Variants in VPS26B observed in about 807,000 individuals in gnomAD.
VPS26B encodes VPS26 retromer complex component B.
VPS26B carries 10 observed loss-of-function variants against 33.3 expected under a neutral mutation model. That is an observed-to-expected ratio of 0.30 (90% CI 0.19 to 0.51). VPS26B has a LOEUF of 0.51. VPS26B is among the 20% of genes least tolerant of loss of function. The pLI is 0.98. For missense variants in VPS26B, 317 were observed against 452.7 expected (o/e 0.70, Z 2.72); for synonymous variants, 190 against 176.9 (o/e 1.07, Z -0.59).
Position 134,245,358 on chromosome 11 carries a change from C to A in VPS26B, c.865-86C>A. ...GCAGAGGAGGTCCTTGCCCGAGATT[C>A]CCCACGTCAAAGTTGGGAGCCTCTA... On this transcript the variant is annotated intron_variant, in intron 5 of 5. Coordinates refer to ENST00000281187, the MANE Select transcript of VPS26B (RefSeq NM_052875.5). The surrounding 1 kb of genome is among the most constrained non-coding windows in gnomAD (Gnocchi z 4.7). The A allele has an allele frequency of 6.4e-7, 1 of 1,573,254 alleles. No homozygotes were observed.
chr11:134,238,686 C>G (rs1938672171), intron 2 of VPS26B, among the ~76,000 whole-genome samples: 1 of 152,176 alleles, frequency 6.6e-6, no homozygotes, highest in Admixed American at 6.5e-5. Flanking sequence ...AGCTCCGCCT[C>G]CTGGGTTCAC....
rs1224644737 is a variant in VPS26B, at chr11:134,246,401, T to C, written c.*811T>C. ...CCAAGGTCTGGGCTGTTCTAGGTAT[T>C]GCTTCACGTGCCCCAGCAAGCCCTT... is the stretch of plus-strand genomic sequence containing the variant. On this transcript the variant is annotated 3_prime_UTR_variant, in exon 6 of 6. Coordinates refer to ENST00000281187, the MANE Select transcript of VPS26B (RefSeq NM_052875.5). 2.0e-5 allele frequency: 3 copies of C among 152,172 alleles called. No individual in the cohort carries two copies. The highest frequency in any genetic ancestry group is 2.9e-5 in the Non-Finnish European group (2 of 68,032). The allele number at this position is 152,172 out of a possible 1,614,324, so 9.4% of individuals were successfully genotyped here.
In VPS26B at chr11:134,235,007, G is replaced by T; in HGVS notation, c.334G>T (p.Val112Leu). The change falls in exon 2 of 6, where the codon GTG becomes TTG. Residue 112 changes from valine (V) to leucine (L), a missense_variant. Coordinates refer to ENST00000281187, the MANE Select transcript of VPS26B (RefSeq NM_052875.5). ...SQAFDFEFTHVEKPYESYTGQ... is the reference protein window; with the variant it reads ...SQAFDFEFTHLEKPYESYTGQ... ...GGCCTTCGACTTTGAGTTTACCCAC[G>T]TGGAGAAGCCGTATGAGTCCTACAC... 1 of 1,614,128 alleles carries T rather than the reference G, an allele frequency of 6.2e-7. No individual in the cohort carries two copies. The highest frequency in any genetic ancestry group is 1.1e-5 in the South Asian group (1 of 91,076).
intron 2 of VPS26B, among the ~76,000 whole-genome samples, chr11:134,238,327 A>G (rs1938664899): frequency 6.6e-6 from 1 of 152,200 alleles, no homozygotes; most frequent in Non-Finnish European, 1.5e-5. Context: ...GGAACAAAGC[A>G]GAGGAAGGAG....
chr11:134,225,079 C>T lies in VPS26B; in HGVS notation c.-44C>T, dbSNP rs751083767. 2.0e-5 allele frequency: 30 copies of T among 1,538,456 alleles called. No homozygotes were observed. Among genetic ancestry groups the T allele is most frequent in the Non-Finnish European group, 2.6e-5 (29 of 1,136,310 alleles). On this transcript the variant is annotated 5_prime_UTR_variant, in exon 1 of 6. Transcript: ENST00000281187. Reference sequence around the variant, plus strand: ...ACCTAGGGCAGCCCGCGCCCCGGTGCGAGGGAGCGGTCCTTACCGAGACCC... The same window carrying T: ...ACCTAGGGCAGCCCGCGCCCCGGTGTGAGGGAGCGGTCCTTACCGAGACCC...
intron 2 of VPS26B, among the ~76,000 whole-genome samples, chr11:134,238,212 T>C (rs568932375): frequency 2.6e-5 from 4 of 152,254 alleles, no homozygotes; most frequent in African/African-American, 7.2e-5. Flanking sequence ...TGCATCCATA[T>C]GGAGAGTTCT....
At position 134,246,351 on chromosome 11, in the gene VPS26B, C is replaced by T. The variant is rs1938820618; in HGVS notation, c.*761C>T. 6.6e-6 allele frequency: 1 copy of T among 152,364 alleles called. No homozygotes were observed. Among genetic ancestry groups the T allele is most frequent in the South Asian group, 2.1e-4 (1 of 4,820 alleles). The allele number at this position is 152,364 out of a possible 1,614,324, so 9.4% of individuals were successfully genotyped here. The stretch of plus-strand genomic sequence containing the variant: ...AGATGAGTGCATGGCAACCGCCTGC[C>T]TTCACGTCGCTCCACTTGGTAACCC... On this transcript the variant is annotated 3_prime_UTR_variant, in exon 6 of 6. Transcript: ENST00000281187.
intron 1 of VPS26B, among the ~76,000 whole-genome samples, chr11:134,234,382 G>T (rs1938600840): frequency 6.6e-6 from 1 of 152,188 alleles, no homozygotes; most frequent in Non-Finnish European, 1.5e-5. Context: ...AGTCTAGAAG[G>T]AGACCTGCTC....
Position 134,245,098 on chromosome 11 carries a change from C to T in VPS26B, c.864+18C>T, listed in dbSNP as rs1286644624. 6 of 1,613,258 alleles carry T rather than the reference C, an allele frequency of 3.7e-6. No individual in the cohort carries two copies. Among genetic ancestry groups the T allele is most frequent in the Middle Eastern group, 1.6e-4 (1 of 6,078 alleles). On this transcript the variant is annotated intron_variant, in intron 5 of 5. Coordinates refer to ENST00000281187, the MANE Select transcript of VPS26B (RefSeq NM_052875.5). This position sits in a 1 kb window ranked among gnomAD's most constrained non-coding sequence, Gnocchi z 4.7. ...AGCAGCAGGTGAGGGCCAGGCTCCT[C>T]CAGGCCCCGATGCCCTTGGGACAGA...
chr11:134,229,985 A>C (rs922626697), intron 1 of VPS26B, among the ~76,000 whole-genome samples: 2 of 152,114 alleles, frequency 1.3e-5, no homozygotes, highest in Non-Finnish European at 2.9e-5. Context: ...TTCCCTTTGT[A>C]TAGTAACATC....
At chr11:134,235,133 G>T (rs2136049063) in intron 2 of VPS26B, 80 bp downstream of exon 2, 1 of 1,524,908 alleles carries the variant, frequency 6.6e-7, no homozygotes, top group Admixed American at 2.0e-5. Context: ...TCCCCACTTT[G>T]AGAATCTTCA....
intron 1 of VPS26B, among the ~76,000 whole-genome samples, chr11:134,229,081 G>A (rs903204299): frequency 1.3e-5 from 2 of 152,126 alleles, no homozygotes; most frequent in Non-Finnish European, 2.9e-5. Context: ...CCAGGCTAGA[G>A]TGCAGTGCCA....
intron 4 of VPS26B, chr11:134,243,537 C>T (rs987239298): frequency 3.0e-5 from 15 of 495,278 alleles, no homozygotes; most frequent in South Asian, 6.5e-5. Flanking sequence ...GATTATATAT[C>T]GGGCTTGTAC....
chr11:134,230,520 A>G (rs1445075284), intron 1 of VPS26B, among the ~76,000 whole-genome samples: 2 of 152,236 alleles, frequency 1.3e-5, no homozygotes. Context: ...CATCAAGGCC[A>G]CTGACAACTC....
rs1278930085 is a variant in VPS26B at position 134,245,877 on chromosome 11, T to C, written c.*287T>C. ...AGCCCCCTTCCTCGGGGGGCTGCCT[T>C]GCGTCTTAGAGGAGGGAGAGCAGAG... On this transcript the variant is annotated 3_prime_UTR_variant, in exon 6 of 6. Transcript: ENST00000281187. This position sits in a 1 kb window ranked among gnomAD's most constrained non-coding sequence, Gnocchi z 4.7. 4.9e-6 allele frequency: 2 copies of C among 411,666 alleles called. No individual in the cohort carries two copies. Among genetic ancestry groups the C allele is most frequent in the East Asian group, 4.2e-5 (1 of 23,876 alleles). The allele number at this position is 411,666 out of a possible 1,614,324, so 25.5% of individuals were successfully genotyped here. A position where few individuals can be genotyped will look rare whatever the true frequency, so the allele number is the denominator to read the frequency against.
intron 1 of VPS26B, among the ~76,000 whole-genome samples, chr11:134,233,253 G>A (rs545095122): frequency 2.0e-5 from 3 of 152,154 alleles, no homozygotes; most frequent in African/African-American, 7.2e-5. Context: ...CTGTGGACTC[G>A]CCTCTTCCTC....
In VPS26B at chr11:134,225,041, T is replaced by C. The variant is rs532732903; in HGVS notation, c.-82T>C. Reference sequence around the variant, plus strand: ...CCGAGCGCGCTCGCGCATCGGGCCCTCTGGCCTTCTTTACCTAGGGCAGCC... The same window carrying C: ...CCGAGCGCGCTCGCGCATCGGGCCCCCTGGCCTTCTTTACCTAGGGCAGCC... On this transcript the variant is annotated 5_prime_UTR_variant, in exon 1 of 6. Coordinates refer to ENST00000281187, the MANE Select transcript of VPS26B (RefSeq NM_052875.5). 9.1e-5 allele frequency: 127 copies of C among 1,393,166 alleles called. No individual in the cohort carries two copies. In the African/African-American group the frequency reaches 1.7e-3, roughly 19 times the overall value. 86.3% of individuals were successfully genotyped at this position (1,393,166 alleles called of 1,614,324 possible).
rs1352111142 is a variant in VPS26B, at chr11:134,245,629, AC to A, written c.*44del. 7 of 1,567,212 alleles carry A rather than the reference AC, an allele frequency of 4.5e-6. No individual in the cohort carries two copies. Among genetic ancestry groups the A allele is most frequent in the Non-Finnish European group, 6.0e-6 (7 of 1,158,182 alleles). ...AGAAGATGCTGGGCACCCACCCAGC[AC>A]CCCCATCTACCAACACCAGCGGCTG... On this transcript the variant is annotated 3_prime_UTR_variant, in exon 6 of 6. Transcript: ENST00000281187. The surrounding 1 kb of genome is among the most constrained non-coding windows in gnomAD (Gnocchi z 4.7).
chr11:134,237,688 G>T (rs1043375102), intron 2 of VPS26B, among the ~76,000 whole-genome samples: 1 of 152,136 alleles, frequency 6.6e-6, no homozygotes, highest in South Asian at 2.1e-4. Context: ...GTGGAACCGC[G>T]GGAAGAGTGT....
Sources: gnomAD v4.1 joint callset for allele counts (sites outside exome capture counted in the v4.1 genomes callset) on GRCh38, gnomAD v4.1.1 for gene constraint, Gnocchi (gnomAD v3.1) non-coding constraint, MANE v1.5 for transcripts, NCBI Gene and HGNC (gene_info 2026-07-23, HGNC 2026-07-21) for gene names.